Variants in TECTA observed in about 807,000 individuals in gnomAD.
The protein encoded by TECTA is alpha-tectorin.
In TECTA, 128 loss-of-function variants were observed where a neutral mutation model predicts 216.8. That is an observed-to-expected ratio of 0.59 (90% CI 0.51 to 0.68). The LOEUF is 0.68. TECTA is among the 30% of genes least tolerant of loss of function. TECTA has a pLI of 0.00. For missense variants in TECTA, 2,551 were observed against 2,786.2 expected (o/e 0.92, Z 1.90); for synonymous variants, 1,089 against 1,117.1 (o/e 0.97, Z 0.50).
At chr11:121,171,961 T>A (rs966010066) in intron 20 of TECTA, among the ~76,000 whole-genome samples, 2 of 152,172 alleles carry the variant, frequency 1.3e-5, no homozygotes, top group Non-Finnish European at 2.9e-5. Flanking sequence ...ATAGGAATGA[T>A]GAGAGTGAGC....
chr11:121,114,768 C>A (rs1276220049), intron 6 of TECTA, among the ~76,000 whole-genome samples: 1 of 62,150 alleles, frequency 1.6e-5, no homozygotes, highest in East Asian at 4.4e-4. Flanking sequence ...CACCTACCCA[C>A]CCACCCATTC....
Position 121,129,925 on chromosome 11 carries a change from C to T in TECTA, c.2655C>T (p.Cys885=), listed in dbSNP as rs1208727773. 1 of 1,612,772 alleles carries T rather than the reference C, an allele frequency of 6.2e-7. No homozygotes were observed. Among genetic ancestry groups the T allele is most frequent in the Non-Finnish European group, 8.5e-7 (1 of 1,179,176 alleles). Reference sequence around the variant, plus strand: ...GCTGGACAACTTTCGAGGAGATCTGCAATGGAGAGTGTGGGGACCTGCTGA... The same window carrying T: ...GCTGGACAACTTTCGAGGAGATCTGTAATGGAGAGTGTGGGGACCTGCTGA... ...LESWTTFEEI[C]NGECGDLLKA... The change falls in exon 10 of 24, where the codon TGC becomes TGT. Residue 885 remains cysteine (C), a synonymous_variant. Coordinates refer to ENST00000392793, the MANE Select transcript of TECTA (RefSeq NM_005422.4).
chr11:121,153,184 G>T, intron 13 of TECTA, 104 bp downstream of exon 13: 1 of 1,377,486 alleles, frequency 7.3e-7, no homozygotes, highest in Non-Finnish European at 1.0e-6. Flanking sequence ...TCATTATGAA[G>T]AGCGTCGTGT....
At chr11:121,135,814 A>G (rs1018230806) in intron 10 of TECTA, among the ~76,000 whole-genome samples, 8 of 152,216 alleles carry the variant, frequency 5.3e-5, no homozygotes, top group Admixed American at 5.2e-4. Flanking sequence ...TGATCTTTAG[A>G]TCGCACAGAC....
At chr11:121,147,032 G>C (rs599894) in intron 12 of TECTA, among the ~76,000 whole-genome samples, 70,712 of 151,954 alleles carry the variant, frequency 0.47, 19,386 homozygotes, top group African/African-American at 0.77. Context: ...GGACTATGTA[G>C]TGGGGTAATT....
chr11:121,137,659 C>T lies in TECTA; in HGVS notation c.3180C>T (p.Phe1060=). 6.2e-7 allele frequency: 1 copy of T among 1,614,102 alleles called. No homozygotes were observed. Among genetic ancestry groups the T allele is most frequent in the South Asian group, 1.1e-5 (1 of 91,080 alleles). ...TFWVDLDCQI[F]CYCSGTDNRV... Reference sequence around the variant, plus strand: ...GGGTGGACCTGGACTGCCAGATCTTCTGCTATTGCAGTGGCACAGACAACA... The same window carrying T: ...GGGTGGACCTGGACTGCCAGATCTTTTGCTATTGCAGTGGCACAGACAACA... Residue 1060 remains phenylalanine (F), a synonymous_variant, in exon 11 of 24, where the codon TTC becomes TTT. Transcript: ENST00000392793.
At chr11:121,130,268 T>C (rs1267957173) in intron 10 of TECTA, 57 bp downstream of exon 10, 33 of 1,578,414 alleles carry the variant, frequency 2.1e-5, no homozygotes, top group Non-Finnish European at 2.7e-5. Flanking sequence ...GGTGCCATGC[T>C]GGGCCTTACT....
intron 11 of TECTA, chr11:121,141,071 G>A (rs1265977858): frequency 6.6e-6 from 1 of 152,236 alleles, no homozygotes; most frequent in Non-Finnish European, 1.5e-5. Flanking sequence ...TGGAAACAGA[G>A]TATACAGCTT....
chr11:121,182,486 A>G (rs1163732623), intron 20 of TECTA, among the ~76,000 whole-genome samples: 2 of 152,230 alleles, frequency 1.3e-5, no homozygotes, highest in African/African-American at 4.8e-5. Flanking sequence ...AGGGCAATCC[A>G]TAAGCCTCCA....
intron 10 of TECTA, among the ~76,000 whole-genome samples, chr11:121,130,562 A>G (rs887970887): frequency 5.3e-5 from 8 of 152,134 alleles, no homozygotes; most frequent in South Asian, 2.1e-4. Flanking sequence ...GAAGAGCCCC[A>G]TTGATTTTGA....
At chr11:121,178,994 G>A (rs1454319529) in intron 20 of TECTA, among the ~76,000 whole-genome samples, 4 of 151,872 alleles carry the variant, frequency 2.6e-5, no homozygotes, top group Non-Finnish European at 5.9e-5. Context: ...CCTTAAGTTA[G>A]TCTAACTGGT....
intron 12 of TECTA, among the ~76,000 whole-genome samples, chr11:121,149,433 G>A (rs1388040650): frequency 1.3e-5 from 2 of 152,144 alleles, no homozygotes; most frequent in Non-Finnish European, 2.9e-5. Flanking sequence ...ATCCTTCTGT[G>A]ACTACAACTA....
At chr11:121,168,999 G>A in intron 20 of TECTA, 74 bp downstream of exon 20, 1 of 1,610,700 alleles carries the variant, frequency 6.2e-7, no homozygotes, top group South Asian at 1.1e-5. Context: ...TTTAAGGAAG[G>A]GAATGGAAAC....
At chr11:121,187,683 A>G (rs1404692064) in intron 20 of TECTA, 149 bp from the exon 21 acceptor site, 53 of 772,294 alleles carry the variant, frequency 6.9e-5, no homozygotes, top group East Asian at 2.6e-5. Flanking sequence ...TGACAAGCCC[A>G]TGCAGTCCAG....
At chr11:121,110,605 T>C (rs1946433320) in intron 4 of TECTA, 1 of 152,230 alleles carries the variant, frequency 6.6e-6, no homozygotes, top group African/African-American at 2.4e-5. Flanking sequence ...CATTTCCCTC[T>C]GTCACGTTAT....
At chr11:121,122,877 C>G (rs149066293) in intron 7 of TECTA, among the ~76,000 whole-genome samples, 2 of 151,300 alleles carry the variant, frequency 1.3e-5, no homozygotes, top group African/African-American at 4.9e-5. Flanking sequence ...ATGGTAGCAG[C>G]TTTGGGTAAT....
intron 12 of TECTA, 117 bp downstream of exon 12, chr11:121,146,233 G>A: frequency 2.4e-6 from 3 of 1,262,688 alleles, no homozygotes; most frequent in Non-Finnish European, 3.3e-6. Context: ...TTAAGGATAT[G>A]CACTTTGGAA....
In TECTA at chr11:121,109,252, C is replaced by A; in HGVS notation, c.240C>A (p.Ser80Arg). 2.5e-6 allele frequency: 4 copies of A among 1,614,126 alleles called. No individual in the cohort carries two copies. The highest frequency in any genetic ancestry group is 3.4e-6 in the Non-Finnish European group (4 of 1,180,004). Residue 80 changes from serine (S) to arginine (R), a missense_variant, in exon 4 of 24, where the codon AGC becomes AGA. Ser to Arg is a moderately radical substitution (Grantham distance 110). Coordinates refer to ENST00000392793, the MANE Select transcript of TECTA (RefSeq NM_005422.4). ...NGVVSFNVLV[S>R]QFTPESFPLT... ...TTGTTTCCTTCAATGTGCTAGTGAG[C>A]CAGTTCACGCCAGAATCCTTTCCCC...
intron 15 of TECTA, among the ~76,000 whole-genome samples, chr11:121,161,463 G>A (rs921425726): frequency 2.0e-5 from 3 of 151,376 alleles, no homozygotes; most frequent in African/African-American, 7.3e-5. Flanking sequence ...CCAAAGATAG[G>A]CAAGGTTCAG....
Sources: allele counts gnomAD v4.1 joint callset (sites outside exome capture counted in the v4.1 genomes callset), GRCh38; gene constraint gnomAD v4.1.1; transcripts MANE v1.5; gene names NCBI Gene and HGNC (gene_info 2026-07-23, HGNC 2026-07-21).